The following VWA3B variants were observed in gnomAD, a reference collection of about 807,000 sequenced individuals.
VWA3B encodes the protein von Willebrand factor A domain-containing protein 3B.
VWA3B carries 138 observed loss-of-function variants against 158.3 expected under a neutral mutation model. The observed-to-expected ratio is 0.87, with a 90% CI of 0.76 to 1.00. The LOEUF is 1.00. Ranked by LOEUF, VWA3B falls within the 50% of genes least tolerant of loss-of-function variation. The pLI is 0.00. For missense variants in VWA3B, 1,555 were observed against 1,565.1 expected, an observed-to-expected ratio of 0.99 and a Z score of 0.11; for synonymous variants, 596 against 587.3, an observed-to-expected ratio of 1.01 and a Z score of -0.21.
chr2:98,230,191 G>T lies in VWA3B; in HGVS notation c.2292G>T (p.Lys764Asn), dbSNP rs1395961836. 1 of 1,581,140 alleles carries T rather than the reference G, an allele frequency of 6.3e-7. No homozygotes were observed. The highest frequency in any genetic ancestry group is 8.5e-7 in the Non-Finnish European group (1 of 1,170,646). The change falls in exon 16 of 28, where the codon AAG becomes AAT. Residue 764 changes from lysine (K) to asparagine (N), a missense_variant. Physicochemically the swap from Lys to Asn is moderately conservative, Grantham distance 94. Transcript: ENST00000477737. ...WGLSDQKVQK[K>N]KVLHAESTKT... ...TTTCAGATCAAAAGGTTCAGAAAAA[G>T]AAAGTCCTTCACGCAGGTATCAGTG...
chr2:98,302,174 G>C (rs1236908493), intron 25 of VWA3B, among the ~76,000 whole-genome samples: 1 of 145,362 alleles, frequency 6.9e-6, no homozygotes, highest in African/African-American at 2.5e-5. Flanking sequence ...CAAGTCCCAG[G>C]CTTTTGCCTC....
chr2:98,305,458 G>A (rs1289664154), intron 26 of VWA3B, among the ~76,000 whole-genome samples: 2 of 152,192 alleles, frequency 1.3e-5, no homozygotes, highest in Non-Finnish European at 2.9e-5. Context: ...TCTGCAGGAT[G>A]ACAGTGATGT....
Position 98,103,776 on chromosome 2 carries a change from T to C in VWA3B, c.196+10488T>C, listed in dbSNP as rs191178528. On this transcript the variant is annotated intron_variant, in intron 2 of 27. Coordinates refer to ENST00000477737, the MANE Select transcript of VWA3B (RefSeq NM_144992.5). ...GTAGTATTTATAAATGTTAATTAGA[T>C]AAAGATGGTTGAAAGTCTTGGGAGA... is the stretch of plus-strand genomic sequence containing the variant. 7.2e-5 allele frequency among the ~76,000 whole-genome samples: 11 copies of C among 152,322 alleles called. No individual in the cohort carries two copies. In the East Asian group the frequency reaches 2.1e-3, roughly 29 times the overall value.
intron 9 of VWA3B, among the ~76,000 whole-genome samples, chr2:98,183,189 C>CTTTT (rs1244544813): frequency 8.0e-6 from 1 of 124,594 alleles, no homozygotes; most frequent in South Asian, 2.5e-4. Context: ...GTACAGCTCC[C>CTTTT]TTTTTTTTTT....
chr2:98,273,904 T>C lies in VWA3B; in HGVS notation c.3045+3021T>C, dbSNP rs117590041. 2.4e-3 allele frequency among the ~76,000 whole-genome samples: 368 copies of C among 152,342 alleles called. 10 individuals carry two copies. The East Asian group carries it at 0.064, about 26-fold the overall frequency. ...AGCCTCTTGTGATTCAGAGCAGAGA[T>C]AATTGTGTTCCACTGAGTTCATCTG... On this transcript the variant is annotated intron_variant, in intron 22 of 27. Transcript: ENST00000477737.
At chr2:98,088,996 C>T (rs912358319) in intron 1 of VWA3B, among the ~76,000 whole-genome samples, 2 of 152,030 alleles carry the variant, frequency 1.3e-5, no homozygotes, top group East Asian at 1.9e-4. Flanking sequence ...TCAGGTGATC[C>T]GCCCGCCTTG....
chr2:98,090,485 G>T (rs1174946008), intron 1 of VWA3B, among the ~76,000 whole-genome samples: 2 of 152,212 alleles, frequency 1.3e-5, no homozygotes, highest in African/African-American at 4.8e-5. Context: ...AGCCCTGGGA[G>T]TTAGGGTGTG....
At chr2:98,326,996 A>G in the VWA3B span, among the ~76,000 whole-genome samples, 1 of 130,930 alleles carries the variant, frequency 7.6e-6, no homozygotes, top group African/African-American at 3.1e-5. Context: ...GAGTCACTTG[A>G]AAAAAAAAAA....
At chr2:98,276,128 G>A (rs1688507199) in intron 22 of VWA3B, among the ~76,000 whole-genome samples, 1 of 152,200 alleles carries the variant, frequency 6.6e-6, no homozygotes, top group Non-Finnish European at 1.5e-5. Flanking sequence ...TAGGTAACGG[G>A]GAGAGGTCAC....
intron 7 of VWA3B, among the ~76,000 whole-genome samples, chr2:98,139,158 C>A (rs1179901732): frequency 1.3e-5 from 2 of 152,222 alleles, no homozygotes; most frequent in African/African-American, 4.8e-5. Context: ...CCAGCAGCTG[C>A]GGAGGGTGTA....
chr2:98,276,722 T>G (rs1474627543), intron 22 of VWA3B, among the ~76,000 whole-genome samples: 2 of 149,934 alleles, frequency 1.3e-5, no homozygotes. Context: ...GGGCTGCCCA[T>G]GTGTGTCCAG....
At chr2:98,095,273 A>T (rs1428895275) in intron 2 of VWA3B, among the ~76,000 whole-genome samples, 2 of 152,080 alleles carry the variant, frequency 1.3e-5, no homozygotes, top group Admixed American at 6.5e-5. Context: ...GAATATCTTT[A>T]AATTTGTGTC....
intron 12 of VWA3B, 46 bp from the exon 13 acceptor site, chr2:98,211,884 C>CT (rs752361935): frequency 1.3e-6 from 2 of 1,525,750 alleles, no homozygotes; most frequent in African/African-American, 1.4e-5. Flanking sequence ...TTTGTGAATT[C>CT]TTTTTTGGGA....
chr2:98,309,343 C>G (rs1690738341), intron 26 of VWA3B, among the ~76,000 whole-genome samples: 1 of 152,086 alleles, frequency 6.6e-6, no homozygotes. Context: ...TTCTGGGGCC[C>G]TGGAGGCAAG....
intron 21 of VWA3B, among the ~76,000 whole-genome samples, chr2:98,265,274 G>A (rs1199549003): frequency 3.4e-5 from 5 of 146,968 alleles, no homozygotes; most frequent in Non-Finnish European, 7.4e-5. Flanking sequence ...ATTCCCACCT[G>A]TGAGTGAGAA....
chr2:98,191,556 G>A (rs1356558526), intron 10 of VWA3B, among the ~76,000 whole-genome samples: 2 of 152,258 alleles, frequency 1.3e-5, no homozygotes, highest in African/African-American at 2.4e-5. Flanking sequence ...TTTAGCCCAG[G>A]GCTAATTTGG....
chr2:98,193,596 C>T (rs1034967885), intron 11 of VWA3B, among the ~76,000 whole-genome samples: 3 of 151,242 alleles, frequency 2.0e-5, no homozygotes, highest in Non-Finnish European at 4.4e-5. Flanking sequence ...ATACAAAATG[C>T]ACTTTTTTTT....
intron 15 of VWA3B, among the ~76,000 whole-genome samples, chr2:98,229,349 C>T (rs1685164898): frequency 6.6e-6 from 1 of 152,232 alleles, no homozygotes; most frequent in South Asian, 2.1e-4. Context: ...CACAGAGGGC[C>T]ATGGAACCCG....
intron 11 of VWA3B, 69 bp downstream of exon 11, chr2:98,193,105 G>A: frequency 1.3e-6 from 2 of 1,508,962 alleles, no homozygotes; most frequent in African/African-American, 1.4e-5. Context: ...AGTGGATAGG[G>A]GCTTGTTGCT....
Sources: gnomAD v4.1 joint callset for allele counts (sites outside exome capture counted in the v4.1 genomes callset) on GRCh38, gnomAD v4.1.1 for gene constraint, MANE v1.5 for transcripts, NCBI Gene and HGNC (gene_info 2026-07-23, HGNC 2026-07-21) for gene names.